The following SEPTIN9 variants were observed in gnomAD, a reference collection of about 807,000 sequenced individuals.
The protein encoded by SEPTIN9 is septin 9.
Under a neutral mutation model 56.6 loss-of-function variants are expected in SEPTIN9, and 13 were observed. That is an observed-to-expected ratio of 0.23 (90% CI 0.15 to 0.37). The LOEUF (loss-of-function observed/expected upper bound fraction) is 0.37. Among genes scored for constraint, SEPTIN9 ranks in the 10% least tolerant of loss-of-function variants. SEPTIN9 has a pLI of 1.00. For missense variants in SEPTIN9, 650 were observed against 823.1 expected (o/e 0.79, Z 2.57); for synonymous variants, 332 against 334.1 (o/e 0.99, Z 0.07).
In SEPTIN9 at chr17:77,437,863, TGGCCCCAGGCCAGAGGTGACAGTG is replaced by T. The variant is rs539766646; in HGVS notation, c.721+35163_721+35186del. On this transcript the variant is annotated intron_variant, in intron 3 of 11. Coordinates refer to ENST00000427177, the MANE Select transcript of SEPTIN9 (RefSeq NM_001113491.2). This position sits in a 1 kb window ranked among gnomAD's most constrained non-coding sequence, Gnocchi z 5.3. ...TCAGGTGCCTCCCGAAGCTTCTCCC[TGGCCCCAGGCCAGAGGTGACAGTG>T]GGGGCCCCTTGCTTGCGCTGGTGAC... 8.5e-4 allele frequency among the ~76,000 whole-genome samples: 130 copies of T among 152,344 alleles called. 1 individual carries two copies. The highest frequency in any genetic ancestry group is 1.6e-3 in the Non-Finnish European group (107 of 68,010).
rs771435673 is a variant in SEPTIN9 at position 77,283,700 on chromosome 17, C to T, written c.19+2146C>T. ...AACGGAATGACCATAATGTTGTTCC[C>T]GGTAGACCTGGTTTGAACATTCGTG... On this transcript the variant is annotated intron_variant, in intron 1 of 11. Transcript: ENST00000427177. 5.9e-5 allele frequency among the ~76,000 whole-genome samples: 9 copies of T among 152,204 alleles called. No individual in the cohort carries two copies. The South Asian group carries it at 6.2e-4, about 11-fold the overall frequency.
chr17:77,382,958 A>G (rs770492048), intron 2 of SEPTIN9, among the ~76,000 whole-genome samples: 1 of 152,096 alleles, frequency 6.6e-6, no homozygotes, highest in Non-Finnish European at 1.5e-5. Context: ...GGTAGGGGGC[A>G]CAGAACGGAG....
At position 77,363,548 on chromosome 17, in the gene SEPTIN9, C is replaced by T. The variant is rs560128288; in HGVS notation, c.77-38511C>T. On this transcript the variant is annotated intron_variant, in intron 2 of 11. Transcript: ENST00000427177. Reference sequence around the variant, plus strand: ...GATTACAGGCACCTGCCACCACACCCGGCTAATTTTTGTATTTTTAGTAGA... The same window carrying T: ...GATTACAGGCACCTGCCACCACACCTGGCTAATTTTTGTATTTTTAGTAGA... Among the ~76,000 whole-genome samples the T allele has an allele frequency of 4.6e-5, 7 of 151,960 alleles. 1 individual carries two copies. In the South Asian group the frequency reaches 6.2e-4, roughly 14 times the overall value.
chr17:77,323,647 G>T lies in SEPTIN9; in HGVS notation c.76+16450G>T. The T allele has an allele frequency of 6.6e-6, 1 of 152,644 alleles. No homozygotes were observed. The highest frequency in any genetic ancestry group is 1.5e-5 in the Non-Finnish European group (1 of 68,412). The allele number at this position is 152,644 out of a possible 1,614,324, so 9.5% of individuals were successfully genotyped here. A position where few individuals can be genotyped will look rare whatever the true frequency, so the allele number is the denominator to read the frequency against. ...GGGTTCCTGGGTCATCAGTGGGCGG[G>T]GAACCGAGGCCTCCTGGAGGGCGGT... On this transcript the variant is annotated intron_variant, in intron 2 of 11. Transcript: ENST00000427177. The surrounding 1 kb of genome is among the most constrained non-coding windows in gnomAD (Gnocchi z 6.8).
chr17:77,471,714 T>C (rs1048463517), intron 3 of SEPTIN9, among the ~76,000 whole-genome samples: 1 of 152,238 alleles, frequency 6.6e-6, no homozygotes, highest in East Asian at 1.9e-4. Context: ...GGAACTTTTC[T>C]TTCTCTTTGT....
chr17:77,444,788 C>T (rs530913552), intron 3 of SEPTIN9: 98 of 250,542 alleles, frequency 3.9e-4, no homozygotes, highest in Non-Finnish European at 1.0e-4. Context: ...AATAGTGAGA[C>T]GGGCGGACAC....
chr17:77,373,023 T>A (rs2034771173), intron 2 of SEPTIN9, among the ~76,000 whole-genome samples: 1 of 151,654 alleles, frequency 6.6e-6, no homozygotes, highest in Non-Finnish European at 1.5e-5. Context: ...CTCCTCGCCA[T>A]GGCCCGGCCT....
Position 77,369,491 on chromosome 17 carries a change from G to A in SEPTIN9, c.77-32568G>A, listed in dbSNP as rs1178656095. Among the ~76,000 whole-genome samples the A allele has an allele frequency of 1.3e-5, 2 of 152,178 alleles. No individual in the cohort carries two copies. The highest frequency in any genetic ancestry group is 2.9e-5 in the Non-Finnish European group (2 of 68,032). On this transcript the variant is annotated intron_variant, in intron 2 of 11. Coordinates refer to ENST00000427177, the MANE Select transcript of SEPTIN9 (RefSeq NM_001113491.2). This position sits in a 1 kb window ranked among gnomAD's most constrained non-coding sequence, Gnocchi z 4.9. Reference sequence around the variant, plus strand: ...GTCAACAGTGGTGCCCGGAGACTTGGCTTGAGCAACTAGGTGGATGGTAGC... The same window carrying A: ...GTCAACAGTGGTGCCCGGAGACTTGACTTGAGCAACTAGGTGGATGGTAGC...
intron 3 of SEPTIN9, among the ~76,000 whole-genome samples, chr17:77,426,761 G>A (rs1475669822): frequency 6.6e-6 from 1 of 152,202 alleles, no homozygotes; most frequent in Admixed American, 6.5e-5. Context: ...ATGAGTATTG[G>A]AGAGTCTTGC....
rs2032823136 is a variant in SEPTIN9 at position 77,319,474 on chromosome 17, C to G, written c.76+12277C>G. ...TGTGGTAGGAATCTTCCAGGAAGTC[C>G]CCGTCCCGTTCGCCCTCTCTGCCTG... On this transcript the variant is annotated intron_variant, in intron 2 of 11. Coordinates refer to ENST00000427177, the MANE Select transcript of SEPTIN9 (RefSeq NM_001113491.2). This position sits in a 1 kb window ranked among gnomAD's most constrained non-coding sequence, Gnocchi z 5.3. 3 of 882,796 alleles carry G rather than the reference C, an allele frequency of 3.4e-6. No homozygotes were observed. The South Asian group carries it at 1.6e-4, about 47-fold the overall frequency. 54.7% of individuals were successfully genotyped at this position (882,796 alleles called of 1,614,324 possible).
In SEPTIN9 at chr17:77,475,518, C is replaced by G; in HGVS notation, c.722-6626C>G. 6.2e-7 allele frequency: 1 copy of G among 1,610,888 alleles called. No individual in the cohort carries two copies. Among genetic ancestry groups the G allele is most frequent in the African/African-American group, 1.3e-5 (1 of 74,910 alleles). ...TAGTTTATAGGACCTGAAGTGCCCCCATGGGCTCAAGTTTCTGGGAAGGCC... is the reference window on the plus strand; with the variant it reads ...TAGTTTATAGGACCTGAAGTGCCCCGATGGGCTCAAGTTTCTGGGAAGGCC... On this transcript the variant is annotated intron_variant, in intron 3 of 11. Coordinates refer to ENST00000427177, the MANE Select transcript of SEPTIN9 (RefSeq NM_001113491.2). The surrounding 1 kb of genome is among the most constrained non-coding windows in gnomAD (Gnocchi z 4.6).
At position 77,319,674 on chromosome 17, in the gene SEPTIN9, A is replaced by G. The variant is rs2032833601; in HGVS notation, c.76+12477A>G. 1 of 1,063,902 alleles carries G rather than the reference A, an allele frequency of 9.4e-7. No individual in the cohort carries two copies. The highest frequency in any genetic ancestry group is 4.5e-5 in the South Asian group (1 of 22,058). The allele number at this position is 1,063,902 out of a possible 1,614,324, so 65.9% of individuals were successfully genotyped here. A position where few individuals can be genotyped will look rare whatever the true frequency, so the allele number is the denominator to read the frequency against. ...TACAGGGTGAAGAAGGGCTGGGGCC[A>G]GCCCAGGACAGAGGAAGGCGAGGCA... is the stretch of plus-strand genomic sequence containing the variant. On this transcript the variant is annotated intron_variant, in intron 2 of 11. Transcript: ENST00000427177. The surrounding 1 kb of genome is among the most constrained non-coding windows in gnomAD (Gnocchi z 5.3).
chr17:77,438,186 C>T (rs1211472155), intron 3 of SEPTIN9, among the ~76,000 whole-genome samples: 7 of 152,202 alleles, frequency 4.6e-5, no homozygotes, highest in Non-Finnish European at 8.8e-5. Context: ...AACAGATGCT[C>T]ACGGAGCTGC....
intron 5 of SEPTIN9, 35 bp from the exon 6 acceptor site, chr17:77,488,203 GTC>G (rs1367774264): frequency 1.5e-5 from 24 of 1,602,608 alleles, no homozygotes; most frequent in Non-Finnish European, 1.9e-5. Flanking sequence ...AGGGTCTTCC[GTC>G]TCCCCTCTGA....
In SEPTIN9 at chr17:77,318,962, T is replaced by A. The variant is rs1322746334; in HGVS notation, c.76+11765T>A. Among the ~76,000 whole-genome samples, 1 of 152,222 alleles carries A rather than the reference T, an allele frequency of 6.6e-6. No individual in the cohort carries two copies. Among genetic ancestry groups the A allele is most frequent in the Non-Finnish European group, 1.5e-5 (1 of 68,044 alleles). ...GAGCAGCACAGACTGAAAAGTGTTT[T>A]GTCTGAAGAGCAGAACTGTCTTATA... On this transcript the variant is annotated intron_variant, in intron 2 of 11. Transcript: ENST00000427177. The surrounding 1 kb of genome is among the most constrained non-coding windows in gnomAD (Gnocchi z 4.9).
At chr17:77,305,924 GTGGA>G (rs1266123743) in intron 1 of SEPTIN9, among the ~76,000 whole-genome samples, 47 of 90,324 alleles carry the variant, frequency 5.2e-4, no homozygotes, top group African/African-American at 1.9e-3. Flanking sequence ...GGGTGGGTGG[GTGGA>G]TGGATGGATG....
intron 3 of SEPTIN9, among the ~76,000 whole-genome samples, chr17:77,442,995 G>A (rs895023976): frequency 3.3e-5 from 5 of 152,146 alleles, no homozygotes; most frequent in African/African-American, 1.2e-4. Context: ...GTCTTCTTAG[G>A]TGTGGTGTGG....
At position 77,436,807 on chromosome 17, in the gene SEPTIN9, AG is replaced by A. The variant is rs1241647108; in HGVS notation, c.721+34106del. ...TGAGCTGCCCATTCTGGCCCTGGTA[AG>A]GACACCCAGGAGAGGGCCAGGGTGC... is the stretch of plus-strand genomic sequence containing the variant. On this transcript the variant is annotated intron_variant, in intron 3 of 11. Transcript: ENST00000427177. This position sits in a 1 kb window ranked among gnomAD's most constrained non-coding sequence, Gnocchi z 4.4. Among the ~76,000 whole-genome samples, 3 of 152,236 alleles carry A rather than the reference AG, an allele frequency of 2.0e-5. No homozygotes were observed. The highest frequency in any genetic ancestry group is 4.4e-5 in the Non-Finnish European group (3 of 68,042).
At chr17:77,431,596 A>T (rs994624627) in intron 3 of SEPTIN9, among the ~76,000 whole-genome samples, 1 of 152,090 alleles carries the variant, frequency 6.6e-6, no homozygotes, top group Admixed American at 6.5e-5. Context: ...CAGAAAGCTG[A>T]GGCAGGCAGA....
Sources: gnomAD v4.1 joint callset for allele counts (sites outside exome capture counted in the v4.1 genomes callset) on GRCh38, gnomAD v4.1.1 for gene constraint, Gnocchi (gnomAD v3.1) non-coding constraint, MANE v1.5 for transcripts, NCBI Gene and HGNC (gene_info 2026-07-23, HGNC 2026-07-21) for gene names.